Variants in CSGALNACT1 observed in about 807,000 individuals in gnomAD.
CSGALNACT1 encodes beta4GalNAcT-1.
In CSGALNACT1, 52 loss-of-function variants were observed where a neutral mutation model predicts 51.0. The observed-to-expected ratio is 1.02, with a 90% CI of 0.82 to 1.29. The LOEUF (loss-of-function observed/expected upper bound fraction) is 1.29, where lower values mean the gene tolerates loss of function less well. Ranked by LOEUF, CSGALNACT1 falls within the 50% of genes most tolerant of loss-of-function variation. CSGALNACT1 has a pLI of 0.00. For synonymous variants in CSGALNACT1, 341 were observed against 254.4 expected, an observed-to-expected ratio of 1.34 and a Z score of -3.24; for missense variants, 935 against 679.2, an observed-to-expected ratio of 1.38 and a Z score of -4.19.
chr8:19,632,094 T>C (rs2055346463), intron 1 of CSGALNACT1, among the ~76,000 whole-genome samples: 2 of 152,274 alleles, frequency 1.3e-5, no homozygotes, highest in African/African-American at 4.8e-5. Flanking sequence ...CTTTTGATGC[T>C]CATTAACTCT....
At position 19,573,176 on chromosome 8, in the gene CSGALNACT1, T is replaced by A. The variant is rs146759974; in HGVS notation, c.-297+17984A>T. On this transcript the variant is annotated intron_variant, in intron 3 of 9. Coordinates refer to ENST00000454498, the Ensembl canonical transcript of CSGALNACT1. ...AAAAAGATTAAGTCAGCTTGGTTCA[T>A]CCTCTCCTCATCCAGCTGTACCCTG... Among the ~76,000 whole-genome samples, 640 of 152,286 alleles carry A rather than the reference T, an allele frequency of 4.2e-3. 10 individuals carry two copies. The highest frequency in any genetic ancestry group is 0.014 in the African/African-American group (600 of 41,554).
At chr8:19,503,611 G>A (rs911732391) in intron 4 of CSGALNACT1, among the ~76,000 whole-genome samples, 1 of 151,826 alleles carries the variant, frequency 6.6e-6, no homozygotes, top group East Asian at 1.9e-4. Context: ...CCTGAGGGTC[G>A]GCTAGTAAAC....
intron 1 of CSGALNACT1, among the ~76,000 whole-genome samples, chr8:19,654,035 G>T (rs554023996): frequency 6.6e-6 from 1 of 152,106 alleles, no homozygotes; most frequent in Non-Finnish European, 1.5e-5. Flanking sequence ...AAAGTCCAAA[G>T]CTGATCCTGC....
At chr8:19,522,907 C>T (rs1326283328) in intron 3 of CSGALNACT1, among the ~76,000 whole-genome samples, 1 of 152,140 alleles carries the variant, frequency 6.6e-6, no homozygotes, top group African/African-American at 2.4e-5. Context: ...CTGTGGTGAG[C>T]GGAGTTTCCT....
intron 1 of CSGALNACT1, among the ~76,000 whole-genome samples, chr8:19,642,800 A>AAAC (rs1210073795): frequency 1.3e-4 from 20 of 152,058 alleles, no homozygotes; most frequent in Non-Finnish European, 2.4e-4. Flanking sequence ...AAAAAAAAAA[A>AAAC]AAATGGCTGT....
At chr8:19,561,756 T>A (rs962704219) in intron 3 of CSGALNACT1, among the ~76,000 whole-genome samples, 2 of 152,164 alleles carry the variant, frequency 1.3e-5, no homozygotes, top group African/African-American at 4.8e-5. Context: ...GAATATGCTG[T>A]GAAGCTAATT....
intron 6 of CSGALNACT1, among the ~76,000 whole-genome samples, chr8:19,431,300 G>A (rs961063789): frequency 6.6e-6 from 1 of 151,944 alleles, no homozygotes; most frequent in African/African-American, 2.4e-5. Context: ...TTTCATAGAT[G>A]GTTTTTTGTA....
chr8:19,426,386 A>C (rs542182286), intron 6 of CSGALNACT1, among the ~76,000 whole-genome samples: 1 of 152,388 alleles, frequency 6.6e-6, no homozygotes, highest in Admixed American at 6.5e-5. Context: ...TATGTAAATA[A>C]CAGAAAAGAG....
intron 3 of CSGALNACT1, among the ~76,000 whole-genome samples, chr8:19,551,056 G>C (rs2087923271): frequency 6.6e-6 from 1 of 152,108 alleles, no homozygotes; most frequent in South Asian, 2.1e-4. Context: ...AGAGCTTGTG[G>C]TTCTGAAACC....
At chr8:19,612,446 C>T (rs1009945412) in intron 1 of CSGALNACT1, among the ~76,000 whole-genome samples, 1 of 152,084 alleles carries the variant, frequency 6.6e-6, no homozygotes, top group Non-Finnish European at 1.5e-5. Context: ...TCCCCATCCC[C>T]GCCATACCTT....
chr8:19,469,829 T>C (rs930939807), intron 4 of CSGALNACT1, among the ~76,000 whole-genome samples: 3 of 152,196 alleles, frequency 2.0e-5, no homozygotes, highest in Non-Finnish European at 2.9e-5. Flanking sequence ...ACTGCTTATC[T>C]ATGCGTTACT....
exon 5 of CSGALNACT1, chr8:19,458,633 C>A: frequency 6.2e-7 from 1 of 1,613,964 alleles, no homozygotes; most frequent in Non-Finnish European, 8.5e-7. Context: ...CCTTTCTGTT[C>A]GGTAGATCCC....
In CSGALNACT1 at chr8:19,693,367, C is replaced by T. The variant is rs114480647; in HGVS notation, c.-297+64483G>A. On this transcript the variant is annotated intron_variant, in intron 1 of 1. Coordinates refer to the CSGALNACT1 transcript ENST00000517494. Reference sequence around the variant, plus strand: ...TCTTCACCTGTGGTACCACCATCCTCTCTCTGTTCTACCAGCCTTTGTCAT... The same window carrying T: ...TCTTCACCTGTGGTACCACCATCCTTTCTCTGTTCTACCAGCCTTTGTCAT... Among the ~76,000 whole-genome samples the T allele has an allele frequency of 7.7e-3, 1,179 of 152,220 alleles. 16 individuals are homozygous for T. The highest frequency in any genetic ancestry group is 0.027 in the African/African-American group (1,117 of 41,532).
intron 3 of CSGALNACT1, among the ~76,000 whole-genome samples, chr8:19,547,368 C>T (rs564359342): frequency 1.3e-5 from 2 of 152,290 alleles, no homozygotes; most frequent in African/African-American, 4.8e-5. Flanking sequence ...TCACTCAATT[C>T]TCATCTTGAA....
chr8:19,469,425 AG>A (rs1374149099), intron 4 of CSGALNACT1, among the ~76,000 whole-genome samples: 2 of 152,096 alleles, frequency 1.3e-5, no homozygotes, highest in African/African-American at 4.8e-5. Flanking sequence ...AAAAAGAAAT[AG>A]CCCTCTGGAT....
intron 5 of CSGALNACT1, among the ~76,000 whole-genome samples, chr8:19,451,669 C>G (rs2063205611): frequency 6.6e-6 from 1 of 152,186 alleles, no homozygotes; most frequent in South Asian, 2.1e-4. Context: ...TGCCTTGTGA[C>G]CAGGGCTGCT....
chr8:19,470,955 G>C (rs2068003922), intron 4 of CSGALNACT1, among the ~76,000 whole-genome samples: 3 of 152,156 alleles, frequency 2.0e-5, no homozygotes, highest in African/African-American at 4.8e-5. Flanking sequence ...AATTAGCTGG[G>C]CGTGGTGGTG....
At chr8:19,626,791 A>C (rs2054515231) in intron 1 of CSGALNACT1, among the ~76,000 whole-genome samples, 1 of 152,218 alleles carries the variant, frequency 6.6e-6, no homozygotes, top group Admixed American at 6.5e-5. Context: ...ACCAAAGAGA[A>C]TATGGGTGGT....
At chr8:19,451,506 C>T (rs1308198467) in intron 5 of CSGALNACT1, among the ~76,000 whole-genome samples, 3 of 152,134 alleles carry the variant, frequency 2.0e-5, no homozygotes, top group Non-Finnish European at 4.4e-5. Flanking sequence ...ACTGTGTGCA[C>T]CCAGGAATAA....
Sources: allele counts gnomAD v4.1 joint callset (sites outside exome capture counted in the v4.1 genomes callset), GRCh38; gene constraint gnomAD v4.1.1; transcripts MANE v1.5; gene names NCBI Gene and HGNC (gene_info 2026-07-23, HGNC 2026-07-21).